PITRM1: variants seen among roughly 807,000 people sequenced by gnomAD.
PITRM1 encodes pitrilysin metallopeptidase 1, also known as presequence protease, mitochondrial.
Under a neutral mutation model 129.9 loss-of-function variants are expected in PITRM1, and 100 were observed. The ratio of observed to expected loss-of-function variants is 0.77; its 90% CI spans 0.65 to 0.91. The LOEUF (loss-of-function observed/expected upper bound fraction) is 0.91, where lower values mean the gene tolerates loss of function less well. Among genes scored for constraint, PITRM1 ranks in the 40% least tolerant of loss-of-function variants. The pLI is 0.00. For synonymous variants in PITRM1, 591 were observed against 508.8 expected, an observed-to-expected ratio of 1.16 and a Z score of -2.17; for missense variants, 1,471 against 1,318.3, an observed-to-expected ratio of 1.12 and a Z score of -1.79.
Position 3,147,616 on chromosome 10 carries a change from T to C in PITRM1, c.2191A>G (p.Thr731Ala). The C allele has an allele frequency of 6.2e-7, 1 of 1,613,886 alleles. No homozygotes were observed. The highest frequency in any genetic ancestry group is 8.5e-7 in the Non-Finnish European group (1 of 1,179,756). The change falls in exon 19 of 27, where the codon ACG becomes GCG. Residue 731 changes from threonine (T) to alanine (A), a missense_variant. By Grantham distance (58) the Thr-to-Ala change is moderately conservative (BLOSUM62 0). Coordinates refer to ENST00000224949, the MANE Select transcript of PITRM1 (RefSeq NM_014889.4). Reference protein sequence around the residue: ...YASIRAGRTLTPAGDLQETFS... With the variant: ...YASIRAGRTLAPAGDLQETFS... ...GTCTCCTGCAGGTCCCCTGCGGGCG[T>C]GAGGGTCCGGCCTGCCCTGATGGAT...
intron 7 of PITRM1, among the ~76,000 whole-genome samples, chr10:3,160,634 T>C (rs1842366739): frequency 1.3e-5 from 2 of 152,330 alleles, no homozygotes; most frequent in South Asian, 2.1e-4. Flanking sequence ...GTGCTATTCC[T>C]GGCTTCAGGC....
At chr10:3,172,430 C>T (rs116673784) in intron 1 of PITRM1, among the ~76,000 whole-genome samples, 2,393 of 152,304 alleles carry the variant, frequency 0.016, 64 homozygotes, top group African/African-American at 0.054. Context: ...CATTTACTAC[C>T]CCCGTTAAAG....
Position 3,172,766 on chromosome 10 carries a change from G to GCC in PITRM1, c.5_6dup (p.Arg3GlyfsTer12). On this transcript the variant is annotated frameshift_variant, in exon 1 of 27. Coordinates refer to ENST00000224949, the MANE Select transcript of PITRM1 (RefSeq NM_014889.4). LOFTEE classifies it high-confidence loss of function. ...CACAGGCCCTGCCGCCCGCCGCAGCGCCACATTGCGCATGACGAGCACCTG... is the reference window on the plus strand; with the variant it reads ...CACAGGCCCTGCCGCCCGCCGCAGCGCCCCACATTGCGCATGACGAGCACCTG... 6.5e-7 allele frequency: 1 copy of GCC among 1,546,342 alleles called. No individual in the cohort carries two copies.
intron 18 of PITRM1, 105 bp from the exon 19 acceptor site, chr10:3,147,842 A>C: frequency 8.1e-7 from 1 of 1,237,050 alleles, no homozygotes; most frequent in African/African-American, 1.5e-5. Context: ...CAACCAAAGA[A>C]ATTTTATAAG....
chr10:3,169,152 C>T (rs1478775857), intron 2 of PITRM1, among the ~76,000 whole-genome samples: 3 of 152,190 alleles, frequency 2.0e-5, no homozygotes, highest in East Asian at 1.9e-4. Flanking sequence ...GAGAATCTAC[C>T]GCTGTGGGTG....
At chr10:3,138,390 T>G (rs1340437010) in intron 25 of PITRM1, 53 bp from the exon 26 acceptor site, 22 of 1,227,624 alleles carry the variant, frequency 1.8e-5, no homozygotes, top group Non-Finnish European at 2.3e-5. Context: ...GCTCGCGTTG[T>G]GGGCTGTGCA....
At position 3,149,618 on chromosome 10, in the gene PITRM1, T is replaced by G. The variant is rs375646380; in HGVS notation, c.1871+3A>C. The G allele has an allele frequency of 4.5e-6, 7 of 1,554,952 alleles. No homozygotes were observed. The highest frequency in any genetic ancestry group is 6.1e-6 in the Non-Finnish European group (7 of 1,154,330). The stretch of plus-strand genomic sequence containing the variant: ...ACACACAAGGGTATGTTGCGACTCG[T>G]ACTTGGTGAGGACGCTGCAGAAGAG... On this transcript the variant is annotated splice_donor_region_variant and intron_variant, in intron 16 of 26. Coordinates refer to ENST00000224949, the MANE Select transcript of PITRM1 (RefSeq NM_014889.4).
rs1165261087 is a variant in PITRM1, at chr10:3,164,056, G to A, written c.631-171C>T. 6 of 391,566 alleles carry A rather than the reference G, an allele frequency of 1.5e-5. No homozygotes were observed. The Admixed American group carries it at 1.9e-4, about 12-fold the overall frequency. 24.3% of individuals were successfully genotyped at this position (391,566 alleles called of 1,614,324 possible). A position where few individuals can be genotyped will look rare whatever the true frequency, so the allele number is the denominator to read the frequency against. ...AAAAAAAAACACCCACGCAGGCATT[G>A]TTTAACACGGTATTCAATCATTCAT... On this transcript the variant is annotated intron_variant, in intron 6 of 26. Coordinates refer to ENST00000224949, the MANE Select transcript of PITRM1 (RefSeq NM_014889.4).
At chr10:3,143,626 G>A in intron 22 of PITRM1, 125 bp from the exon 23 acceptor site, 2 of 734,386 alleles carry the variant, frequency 2.7e-6, no homozygotes, top group South Asian at 3.0e-5. Context: ...ACTGGGACTG[G>A]AGCCATCTCA....
Position 3,163,877 on chromosome 10 carries a change from A to G in PITRM1, c.639T>C (p.Asn213=), listed in dbSNP as rs749921410. 4.1e-5 allele frequency: 65 copies of G among 1,599,332 alleles called. No homozygotes were observed. Among genetic ancestry groups the G allele is most frequent in the Admixed American group, 1.9e-4 (11 of 57,866 alleles). Residue 213 remains asparagine (N), a synonymous_variant, in exon 7 of 27, where the codon AAT becomes AAC. Coordinates refer to ENST00000224949, the MANE Select transcript of PITRM1 (RefSeq NM_014889.4). ...GAAGGTGCTGGGAGAATATCCTCTC[A>G]TTGTCTGTCTTGAAACGTAAAATAA... ...FNEMKGAFTD[N]ERIFSQHLQN...
Position 3,166,933 on chromosome 10 carries a change from C to T in PITRM1, c.266+3G>A. On this transcript the variant is annotated splice_donor_region_variant and intron_variant, in intron 3 of 26. Coordinates refer to ENST00000224949, the MANE Select transcript of PITRM1 (RefSeq NM_014889.4). Reference sequence around the variant, plus strand: ...GACCATGTTCTTACAATGCACCACACACCTGAACAGATTATTCGTGTCTTC... The same window carrying T: ...GACCATGTTCTTACAATGCACCACATACCTGAACAGATTATTCGTGTCTTC... The T allele has an allele frequency of 1.3e-6, 2 of 1,554,188 alleles. No homozygotes were observed. The highest frequency in any genetic ancestry group is 1.8e-6 in the Non-Finnish European group (2 of 1,128,170).
At position 3,151,364 on chromosome 10, in the gene PITRM1, C is replaced by G; in HGVS notation, c.1622-1G>C. ...CTTTGTTGACTCCGTAATTCTAGAC[C>G]TAAAAAAGAAACAAGAAAAAGGAAT... is the stretch of plus-strand genomic sequence containing the variant. On this transcript the variant is annotated splice_acceptor_variant, in intron 14 of 26. Transcript: ENST00000224949. LOFTEE classifies it high-confidence loss of function. The G allele has an allele frequency of 6.4e-7, 1 of 1,552,752 alleles. No individual in the cohort carries two copies. The highest frequency in any genetic ancestry group is 8.9e-7 in the Non-Finnish European group (1 of 1,129,584).
intron 24 of PITRM1, 27 bp downstream of exon 24, chr10:3,140,660 C>A: frequency 6.3e-7 from 1 of 1,584,192 alleles, no homozygotes; most frequent in East Asian, 2.3e-5. Context: ...GTGTGCATCC[C>A]AATGTGTGAA....
intron 12 of PITRM1, 120 bp from the exon 13 acceptor site, chr10:3,157,184 T>C (rs1194972757): frequency 1.9e-5 from 18 of 967,522 alleles, no homozygotes; most frequent in Non-Finnish European, 2.5e-5. Flanking sequence ...AGATGATTGT[T>C]TATAACAAAA....
At chr10:3,148,602 T>G (rs995162618) in intron 16 of PITRM1, 2 of 300,076 alleles carry the variant, frequency 6.7e-6, no homozygotes, top group Admixed American at 9.1e-5. Context: ...AGTTGTAAGC[T>G]CTTCAATAAA....
At chr10:3,147,438 C>A (rs779179652) in intron 19 of PITRM1, 134 bp downstream of exon 19, 9 of 1,138,590 alleles carry the variant, frequency 7.9e-6, no homozygotes, top group Non-Finnish European at 1.2e-5. Flanking sequence ...ACCAACCAAC[C>A]AATTCTTCCC....
At position 3,148,076 on chromosome 10, in the gene PITRM1, A is replaced by C; in HGVS notation, c.1993-13T>G. ...AGAAAAGCACACCCTGAACCAAAGA[A>C]AACACAGAAGAAAGGAATTAGGGCC... On this transcript the variant is annotated splice_polypyrimidine_tract_variant and intron_variant, in intron 17 of 26. Transcript: ENST00000224949. 6.2e-7 allele frequency: 1 copy of C among 1,613,872 alleles called. No homozygotes were observed. Among genetic ancestry groups the C allele is most frequent in the Admixed American group, 1.7e-5 (1 of 60,028 alleles).
At chr10:3,171,147 T>TAAAAA (rs1169315061) in intron 1 of PITRM1, among the ~76,000 whole-genome samples, 9 of 49,198 alleles carry the variant, frequency 1.8e-4, no homozygotes, top group Non-Finnish European at 2.2e-4. Flanking sequence ...ATCGTTCAAT[T>TAAAAA]AAAAAAAAAA....
chr10:3,138,029 G>T lies in PITRM1; in HGVS notation c.*2C>A. On this transcript the variant is annotated 3_prime_UTR_variant, in exon 27 of 27. Transcript: ENST00000224949. The stretch of plus-strand genomic sequence containing the variant: ...TCCTGTGCAGTCGAGCGCCACGGCT[G>T]CTCATTGGATGATCCAGGATGGGTC... 1 of 1,588,994 alleles carries T rather than the reference G, an allele frequency of 6.3e-7. No individual in the cohort carries two copies. Among genetic ancestry groups the T allele is most frequent in the Non-Finnish European group, 8.6e-7 (1 of 1,162,468 alleles).
Sources: allele counts gnomAD v4.1 joint callset (sites outside exome capture counted in the v4.1 genomes callset), GRCh38; gene constraint gnomAD v4.1.1; transcripts MANE v1.5; gene names NCBI Gene and HGNC (gene_info 2026-07-23, HGNC 2026-07-21).